WDPCP: variants seen among roughly 807,000 people sequenced by gnomAD.
WDPCP encodes WD repeat-containing and planar cell polarity effector protein fritz homolog.
In WDPCP, 71 loss-of-function variants were observed where a neutral mutation model predicts 93.1. That is an observed-to-expected ratio of 0.76 (90% CI 0.63 to 0.93). WDPCP has a LOEUF of 0.93. Among genes scored for constraint, WDPCP ranks in the 40% least tolerant of loss-of-function variants. WDPCP has a pLI of 0.00. For missense variants in WDPCP, 844 were observed against 887.4 expected (o/e 0.95, Z 0.62); for synonymous variants, 315 against 315.0 (o/e 1.00, Z 0.00).
chr2:63,239,407 A>T (rs768110038), intron 14 of WDPCP, among the ~76,000 whole-genome samples: 7 of 152,298 alleles, frequency 4.6e-5, no homozygotes, highest in Admixed American at 6.5e-5. Context: ...ATTTATGGTT[A>T]TATGAAGCCA....
chr2:63,177,633 T>C (rs1359959200), intron 14 of WDPCP, among the ~76,000 whole-genome samples: 1 of 152,172 alleles, frequency 6.6e-6, no homozygotes, highest in Non-Finnish European at 1.5e-5. Context: ...ATGGGATCTT[T>C]AGGGCTTGCT....
intron 13 of WDPCP, among the ~76,000 whole-genome samples, chr2:63,284,880 T>C (rs10207356): frequency 0.8 from 122,253 of 152,154 alleles, 49,949 homozygotes; most frequent in East Asian, 0.96. Flanking sequence ...GAGGGGACTA[T>C]TGTATTTTAA....
intron 2 of WDPCP, among the ~76,000 whole-genome samples, chr2:63,793,699 T>C (rs1670575900): frequency 6.6e-6 from 1 of 152,208 alleles, no homozygotes; most frequent in Non-Finnish European, 1.5e-5. Context: ...GCATCCCCGA[T>C]AGTCACAGGT....
At chr2:63,266,546 G>A (rs995047672) in intron 13 of WDPCP, among the ~76,000 whole-genome samples, 29 of 152,186 alleles carry the variant, frequency 1.9e-4, no homozygotes, top group African/African-American at 6.8e-4. Flanking sequence ...GGTGGCTCAC[G>A]CCTGTAATCC....
chr2:63,469,890 C>T (rs1209126357), intron 6 of WDPCP, among the ~76,000 whole-genome samples: 1 of 152,148 alleles, frequency 6.6e-6, no homozygotes, highest in Non-Finnish European at 1.5e-5. Context: ...AGGCTTCTAC[C>T]ATCACCTTCC....
intron 3 of WDPCP, chr2:63,605,154 C>A: frequency 1.5e-6 from 1 of 682,408 alleles, no homozygotes; most frequent in Non-Finnish European, 2.5e-6. Context: ...TGGGTTGTTG[C>A]ATGATTTTGG....
intron 2 of WDPCP, among the ~76,000 whole-genome samples, chr2:63,774,071 T>G (rs143099152): frequency 6.6e-6 from 1 of 152,122 alleles, no homozygotes; most frequent in African/African-American, 2.4e-5. Flanking sequence ...AAAGACCTCC[T>G]ACTCTAAGAA....
chr2:63,547,924 A>C (rs1012913518), intron 1 of WDPCP, among the ~76,000 whole-genome samples: 1 of 152,138 alleles, frequency 6.6e-6, no homozygotes, highest in Non-Finnish European at 1.5e-5. Flanking sequence ...CAAAATAGCT[A>C]GAAGAGAATA....
At chr2:63,545,775 C>A (rs1705110442) in intron 1 of WDPCP, among the ~76,000 whole-genome samples, 1 of 151,614 alleles carries the variant, frequency 6.6e-6, no homozygotes, top group South Asian at 2.1e-4. Flanking sequence ...ATATGACACA[C>A]CTCCTTGGCA....
At chr2:63,511,544 G>C (rs1290187126) in intron 1 of WDPCP, among the ~76,000 whole-genome samples, 1 of 152,064 alleles carries the variant, frequency 6.6e-6, no homozygotes, top group Non-Finnish European at 1.5e-5. Context: ...TGGTACCAAA[G>C]CAGATATATA....
chr2:63,737,733 T>G (rs1029842719), intron 2 of WDPCP, among the ~76,000 whole-genome samples: 8 of 152,170 alleles, frequency 5.3e-5, no homozygotes, highest in African/African-American at 1.9e-4. Context: ...TACCACATAC[T>G]ATCTTTCTTC....
chr2:63,565,333 G>A (rs532558353), intron 1 of WDPCP, among the ~76,000 whole-genome samples: 7 of 152,216 alleles, frequency 4.6e-5, no homozygotes, highest in South Asian at 2.1e-4. Flanking sequence ...GCTTCAATAC[G>A]AGTTTGAATA....
chr2:63,397,248 C>A (rs1275898090), intron 10 of WDPCP, among the ~76,000 whole-genome samples: 1 of 152,108 alleles, frequency 6.6e-6, no homozygotes, highest in African/African-American at 2.4e-5. Flanking sequence ...TTGGATGTGG[C>A]ATTAGGAGTG....
chr2:63,286,348 T>G (rs1205455684), intron 13 of WDPCP, among the ~76,000 whole-genome samples: 1 of 152,202 alleles, frequency 6.6e-6, no homozygotes, highest in East Asian at 1.9e-4. Context: ...GATTTGTTTC[T>G]GCCCCACCCT....
At chr2:63,238,337 G>A (rs1370473440) in intron 14 of WDPCP, among the ~76,000 whole-genome samples, 2 of 152,080 alleles carry the variant, frequency 1.3e-5, no homozygotes. Flanking sequence ...TACTGCATGT[G>A]ACTACTGAAT....
chr2:63,142,358 A>C (rs2103708770), intron 17 of WDPCP, among the ~76,000 whole-genome samples: 1 of 152,236 alleles, frequency 6.6e-6, no homozygotes, highest in African/African-American at 2.4e-5. Context: ...CAGTTCAAAT[A>C]ATTTTTTAAT....
At chr2:63,214,803 A>T (rs1374297305) in intron 14 of WDPCP, among the ~76,000 whole-genome samples, 2 of 152,288 alleles carry the variant, frequency 1.3e-5, no homozygotes, top group African/African-American at 4.8e-5. Flanking sequence ...ATGTGCAAAA[A>T]TCACAAGCAT....
intron 13 of WDPCP, among the ~76,000 whole-genome samples, chr2:63,293,895 G>A (rs1028560075): frequency 4.9e-4 from 75 of 152,250 alleles, no homozygotes; most frequent in Admixed American, 1.4e-3. Context: ...ATCAACATAT[G>A]CAGCATGGGA....
chr2:63,649,125 T>A (rs550237093), intron 3 of WDPCP, among the ~76,000 whole-genome samples: 2 of 152,326 alleles, frequency 1.3e-5, no homozygotes, highest in East Asian at 3.9e-4. Flanking sequence ...TACCTACTTC[T>A]AGAACATTCC....
Sources: gnomAD v4.1 joint callset for allele counts (sites outside exome capture counted in the v4.1 genomes callset) on GRCh38, gnomAD v4.1.1 for gene constraint, MANE v1.5 for transcripts, NCBI Gene and HGNC (gene_info 2026-07-23, HGNC 2026-07-21) for gene names.